The following ANK3 variants were observed in gnomAD, a reference collection of about 807,000 sequenced individuals.
The protein encoded by ANK3 is ankyrin 3.
A neutral mutation model predicts 370.9 loss-of-function variants in ANK3; 57 were observed. That is an observed-to-expected ratio of 0.15 (90% CI 0.12 to 0.19). ANK3 has a LOEUF of 0.19. ANK3 is among the 10% of genes least tolerant of loss of function. ANK3 has a pLI of 1.00. For missense variants in ANK3, 4,439 were observed against 5,302.1 expected, an observed-to-expected ratio of 0.84 and a Z score of 5.06; for synonymous variants, 1,929 against 1,946.3, an observed-to-expected ratio of 0.99 and a Z score of 0.23.
intron 21 of ANK3, among the ~76,000 whole-genome samples, chr10:60,171,259 T>G (rs1214909201): frequency 1.3e-5 from 2 of 152,338 alleles, no homozygotes; most frequent in South Asian, 2.1e-4. Context: ...ACAACTGTTT[T>G]CTCTTTTGCA....
In ANK3 at chr10:60,389,445, A is replaced by G; in HGVS notation, c.94T>C (p.Ser32Pro). 2.5e-6 allele frequency: 4 copies of G among 1,613,784 alleles called. No individual in the cohort carries two copies. The highest frequency in any genetic ancestry group is 3.4e-6 in the Non-Finnish European group (4 of 1,179,912). ...PEKKRKHRKR[S>P]RDRKKKSDAN... ...GATACCTTTTTCTTCCGATCCCGGG[A>G]CCGTTTGCGGTGTTTCCTTTTTTTC... The change falls in exon 1 of 44, where the codon TCC (serine) becomes CCC (proline). Residue 32 changes from serine (S) to proline (P), a missense_variant. Physicochemically the swap from Ser to Pro is moderately conservative, Grantham distance 74. Coordinates refer to ENST00000280772, the MANE Select transcript of ANK3 (RefSeq NM_020987.5).
At position 60,205,839 on chromosome 10, in the gene ANK3, T is replaced by C. The variant is rs747207369; in HGVS notation, c.1246A>G (p.Met416Val). ...GCACCGTGTTTCAGAAGGAGTTCCA[T>C]TACTTTAATTCGATTCTTCTTGCAG... ...IACKKNRIKV[M>V]ELLLKHGASI... The change falls in exon 11 of 44, where the codon ATG becomes GTG. Residue 416 changes from methionine (M) to valine (V), a missense_variant. Physicochemically the swap from Met to Val is conservative, Grantham distance 21. This residue lies in a region of ANK3 where 227 missense variants were observed against 377.6 expected (regional missense o/e 0.60). Transcript: ENST00000280772. 3 of 1,613,984 alleles carry C rather than the reference T, an allele frequency of 1.9e-6. No individual in the cohort carries two copies. In the African/African-American group the frequency reaches 4.0e-5, roughly 22 times the overall value.
At chr10:60,162,539 G>A (rs1286850265) in intron 23 of ANK3, among the ~76,000 whole-genome samples, 3 of 152,126 alleles carry the variant, frequency 2.0e-5, no homozygotes, top group Non-Finnish European at 4.4e-5. Context: ...GCACGAAGCT[G>A]AACATGATTC....
At chr10:60,112,464 T>C (rs934291221) in intron 26 of ANK3, among the ~76,000 whole-genome samples, 6 of 152,138 alleles carry the variant, frequency 3.9e-5, no homozygotes, top group African/African-American at 1.4e-4. Flanking sequence ...TCTAATTGAG[T>C]TAAAGAAATG....
intron 42 of ANK3, 22 bp from the exon 43 acceptor site, chr10:60,042,781 T>G (rs1252378757): frequency 6.2e-7 from 1 of 1,610,412 alleles, no homozygotes; most frequent in Non-Finnish European, 8.5e-7. Flanking sequence ...GTGTACATAT[T>G]AAGATTTCAC....
chr10:60,198,674 G>T (rs983141645), intron 13 of ANK3, 137 bp from the exon 14 acceptor site: 2 of 726,074 alleles, frequency 2.8e-6, no homozygotes, highest in Non-Finnish European at 4.7e-6. Context: ...AAACTCATTT[G>T]TCTTTTTCTT....
intron 8 of ANK3, among the ~76,000 whole-genome samples, chr10:60,234,379 A>C (rs1226248161): frequency 6.6e-6 from 1 of 152,204 alleles, no homozygotes; most frequent in East Asian, 1.9e-4. Context: ...TTGTTTCTAA[A>C]TAGAATAACT....
chr10:60,043,058 A>G (rs2076390197), intron 42 of ANK3: 2 of 1,134,168 alleles, frequency 1.8e-6, no homozygotes, highest in African/African-American at 3.2e-5. Context: ...GCTAAAAGAA[A>G]TCAGCACCAC....
chr10:60,306,091 G>C (rs2045003100), intron 1 of ANK3, among the ~76,000 whole-genome samples: 2 of 151,968 alleles, frequency 1.3e-5, no homozygotes, highest in Admixed American at 1.3e-4. Flanking sequence ...TGGAGTAAAG[G>C]TGGTTTTTGG....
intron 1 of ANK3, among the ~76,000 whole-genome samples, chr10:60,729,495 C>A (rs553654110): frequency 4.0e-4 from 61 of 152,318 alleles, no homozygotes; most frequent in African/African-American, 1.4e-3. Flanking sequence ...AAATTAACTT[C>A]AGTTCTGGCA....
At chr10:60,575,342 A>G (rs1694830458) in intron 2 of ANK3, among the ~76,000 whole-genome samples, 1 of 151,868 alleles carries the variant, frequency 6.6e-6, no homozygotes. Flanking sequence ...TTGGATGGAA[A>G]AAAAAAAAGG....
At chr10:60,239,497 T>G (rs993432579) in intron 7 of ANK3, among the ~76,000 whole-genome samples, 1 of 152,098 alleles carries the variant, frequency 6.6e-6, no homozygotes, top group Non-Finnish European at 1.5e-5. Context: ...CTTTAAATAC[T>G]GACTGTCAAA....
rs2058063188 is a variant in ANK3, at chr10:60,358,118, ACAAAC to A, written c.114+31302_114+31306del. On this transcript the variant is annotated intron_variant, in intron 1 of 43. Coordinates refer to ENST00000280772, the MANE Select transcript of ANK3 (RefSeq NM_020987.5). ...TATGTATACACACACACACACACAC[ACAAAC>A]ACACACACACACACACACACCCAAA... Among the ~76,000 whole-genome samples the A allele has an allele frequency of 3.9e-4, 30 of 76,884 alleles. 1 individual carries two copies. The highest frequency in any genetic ancestry group is 9.3e-4 in the East Asian group (1 of 1,070). The allele number at this position is 76,884 out of a possible 152,430, so 50.4% of individuals were successfully genotyped here.
At chr10:60,294,905 G>A (rs1289947043) in intron 1 of ANK3, among the ~76,000 whole-genome samples, 1 of 152,112 alleles carries the variant, frequency 6.6e-6, no homozygotes, top group Non-Finnish European at 1.5e-5. Flanking sequence ...AAGTGCGAAG[G>A]AAACATGTAG....
intron 1 of ANK3, among the ~76,000 whole-genome samples, chr10:60,304,926 T>C (rs1319742696): frequency 6.6e-6 from 1 of 152,146 alleles, no homozygotes; most frequent in Non-Finnish European, 1.5e-5. Context: ...TGGAAAACCA[T>C]CACCCTGCTT....
chr10:60,312,417 G>C (rs1014728703), intron 1 of ANK3, among the ~76,000 whole-genome samples: 5 of 152,194 alleles, frequency 3.3e-5, no homozygotes, highest in African/African-American at 1.2e-4. Flanking sequence ...GCTCCTTATT[G>C]ATGTGTTTAC....
At chr10:60,136,268 G>A (rs4278471) in intron 24 of ANK3, among the ~76,000 whole-genome samples, 36,540 of 151,966 alleles carry the variant, frequency 0.24, 5,352 homozygotes, top group Non-Finnish European at 0.33. Flanking sequence ...CAACAACAGC[G>A]GCTACTGAGC....
At chr10:60,568,780 G>C (rs140263725) in intron 2 of ANK3, among the ~76,000 whole-genome samples, 6 of 152,146 alleles carry the variant, frequency 3.9e-5, no homozygotes, top group African/African-American at 1.4e-4. Flanking sequence ...CAATGTGACT[G>C]TATGTGTATG....
In ANK3 at chr10:60,072,662, G is replaced by A; in HGVS notation, c.8219C>T (p.Ser2740Leu). ...SKDMSQEDRKSDGQSRIPVKK... is the reference protein window; with the variant it reads ...SKDMSQEDRKLDGQSRIPVKK... ...AACTGGGATTCTGGACTGGCCATCT[G>A]ACTTTCTGTCTTCTTGAGACATGTC... The change falls in exon 37 of 44, where the codon TCA (serine) becomes TTA (leucine). Residue 2740 changes from serine (S) to leucine (L), a missense_variant. By Grantham distance (145) the Ser-to-Leu change is moderately radical. Transcript: ENST00000280772. 1.9e-6 allele frequency: 3 copies of A among 1,614,026 alleles called. No homozygotes were observed. Among genetic ancestry groups the A allele is most frequent in the Non-Finnish European group, 1.7e-6 (2 of 1,179,986 alleles).
Sources: allele counts gnomAD v4.1 joint callset (sites outside exome capture counted in the v4.1 genomes callset), GRCh38; gene constraint gnomAD v4.1.1; regional missense constraint gnomAD v4.1.1; transcripts MANE v1.5; gene names NCBI Gene and HGNC (gene_info 2026-07-23, HGNC 2026-07-21).